The following BNC2 variants were observed in gnomAD, a reference collection of about 807,000 sequenced individuals.
BNC2 encodes zinc finger protein basonuclin-2.
Under a neutral mutation model 76.3 loss-of-function variants are expected in BNC2, and 20 were observed. That is an observed-to-expected ratio of 0.26 (90% CI 0.18 to 0.38). The LOEUF (loss-of-function observed/expected upper bound fraction) is 0.38, where lower values mean the gene tolerates loss of function less well. Ranked by LOEUF, BNC2 falls within the 10% of genes least tolerant of loss-of-function variation. BNC2 has a pLI of 1.00. For missense variants in BNC2, 1,382 were observed against 1,399.8 expected (o/e 0.99, Z 0.20); for synonymous variants, 582 against 514.8 (o/e 1.13, Z -1.77).
chr9:16,574,906 G>T (rs1819438951), intron 4 of BNC2, among the ~76,000 whole-genome samples: 1 of 152,110 alleles, frequency 6.6e-6, no homozygotes, highest in Non-Finnish European at 1.5e-5. Context: ...CTAACAAAAG[G>T]CAGAGAAGGG....
At chr9:16,526,902 A>G (rs965592842) in intron 5 of BNC2, among the ~76,000 whole-genome samples, 57 of 152,336 alleles carry the variant, frequency 3.7e-4, no homozygotes, top group African/African-American at 1.3e-3. Flanking sequence ...AGAGCATAAT[A>G]AGAAATAAAC....
Position 16,437,053 on chromosome 9 carries a change from T to A in BNC2, c.1141A>T (p.Thr381Ser). ...VSPTPYKNDQ[T>S]PNRNALTSIT... ...CTGGTCAGGGCATTTCTATTGGGTG[T>A]TTGATCATTCTTATAAGGTGTGGGA... The change falls in exon 6 of 7, where the codon ACA (threonine) becomes TCA (serine). Residue 381 changes from threonine to serine, a missense_variant. Coordinates refer to ENST00000380672, the MANE Select transcript of BNC2 (RefSeq NM_017637.6). 6.2e-7 allele frequency: 1 copy of A among 1,614,098 alleles called. No individual in the cohort carries two copies. The highest frequency in any genetic ancestry group is 8.5e-7 in the Non-Finnish European group (1 of 1,180,010).
At chr9:16,703,820 T>C (rs1823584243) in intron 3 of BNC2, among the ~76,000 whole-genome samples, 1 of 152,182 alleles carries the variant, frequency 6.6e-6, no homozygotes, top group South Asian at 2.1e-4. Flanking sequence ...TTCTGACTGA[T>C]AATGTATCAA....
At chr9:16,793,579 G>C (rs1817569205) in intron 1 of BNC2, among the ~76,000 whole-genome samples, 2 of 151,574 alleles carry the variant, frequency 1.3e-5, no homozygotes, top group South Asian at 2.1e-4. Flanking sequence ...TGGGATTACA[G>C]GTGGGTGCCA....
chr9:16,651,157 T>C (rs934672809), intron 3 of BNC2, among the ~76,000 whole-genome samples: 3 of 152,182 alleles, frequency 2.0e-5, no homozygotes, highest in South Asian at 4.1e-4. Flanking sequence ...ATGGTCATCT[T>C]AAGCTATACT....
chr9:16,729,868 T>A (rs1316114297), intron 2 of BNC2, among the ~76,000 whole-genome samples: 2 of 151,890 alleles, frequency 1.3e-5, no homozygotes, highest in African/African-American at 2.4e-5. Flanking sequence ...CTAATGGCTG[T>A]TATTTGTGGG....
chr9:16,547,414 C>T (rs1818519375), intron 5 of BNC2, among the ~76,000 whole-genome samples: 1 of 152,230 alleles, frequency 6.6e-6, no homozygotes, highest in South Asian at 2.1e-4. Flanking sequence ...CATGGTGAAA[C>T]ATCAAGCTAT....
intron 3 of BNC2, among the ~76,000 whole-genome samples, chr9:16,630,336 T>C (rs1334541590): frequency 2.0e-5 from 3 of 152,242 alleles, no homozygotes; most frequent in Non-Finnish European, 4.4e-5. Context: ...AGAGCTAATA[T>C]GGCTGAGCCA....
chr9:16,839,580 G>C (rs1003900946), intron 1 of BNC2, among the ~76,000 whole-genome samples: 2 of 152,286 alleles, frequency 1.3e-5, no homozygotes, highest in Non-Finnish European at 2.9e-5. Context: ...CCCCATGCAA[G>C]TCTAAAGCAC....
chr9:16,651,835 G>A (rs1018537717), intron 3 of BNC2, among the ~76,000 whole-genome samples: 13 of 152,162 alleles, frequency 8.5e-5, no homozygotes, highest in Non-Finnish European at 1.6e-4. Context: ...AATTTCAGTA[G>A]TAAATCAAGT....
At chr9:16,551,706 T>C (rs1224624072) in intron 5 of BNC2, among the ~76,000 whole-genome samples, 5 of 152,212 alleles carry the variant, frequency 3.3e-5, no homozygotes, top group African/African-American at 1.2e-4. Context: ...GTTCTCAACA[T>C]TGACCCCTCA....
At position 16,700,155 on chromosome 9, in the gene BNC2, C is replaced by A. The variant is rs576317748; in HGVS notation, c.330+27642G>T. ...AAGTAGAGTCTGTAGACACAGACTT[C>A]AGTTAGACATAAAACTGTGACTTAG... On this transcript the variant is annotated intron_variant, in intron 3 of 6. Coordinates refer to ENST00000380672, the MANE Select transcript of BNC2 (RefSeq NM_017637.6). Among the ~76,000 whole-genome samples, 44 of 152,248 alleles carry A rather than the reference C, an allele frequency of 2.9e-4. No individual in the cohort carries two copies. In the South Asian group the frequency reaches 8.7e-3, roughly 30 times the overall value.
intron 5 of BNC2, among the ~76,000 whole-genome samples, chr9:16,496,674 C>T (rs1290657003): frequency 6.6e-6 from 1 of 152,190 alleles, no homozygotes; most frequent in Non-Finnish European, 1.5e-5. Flanking sequence ...TAAATATTTA[C>T]AGTTTATATT....
intron 5 of BNC2, among the ~76,000 whole-genome samples, chr9:16,550,255 G>C (rs950653560): frequency 5.3e-5 from 8 of 151,004 alleles, no homozygotes; most frequent in African/African-American, 2.0e-4. Flanking sequence ...AACATTATGA[G>C]AGTTTTTTTT....
intron 1 of BNC2, among the ~76,000 whole-genome samples, chr9:16,764,732 T>C (rs537648527): frequency 4.9e-5 from 2 of 41,038 alleles, no homozygotes; most frequent in African/African-American, 1.5e-4. Flanking sequence ...ACTTTACTTA[T>C]TTGTCTGTTT....
intron 1 of BNC2, among the ~76,000 whole-genome samples, chr9:16,851,909 AG>A (rs1819136272): frequency 6.6e-6 from 1 of 152,190 alleles, no homozygotes; most frequent in Non-Finnish European, 1.5e-5. Context: ...CCTGAACTGA[AG>A]AGACTTGTAA....
At chr9:16,494,355 G>T (rs1486303757) in intron 5 of BNC2, among the ~76,000 whole-genome samples, 1 of 152,054 alleles carries the variant, frequency 6.6e-6, no homozygotes, top group African/African-American at 2.4e-5. Flanking sequence ...GTTTCACCAT[G>T]TTGGCCGGGG....
At chr9:16,688,697 C>CA (rs773746486) in intron 3 of BNC2, among the ~76,000 whole-genome samples, 51 of 149,886 alleles carry the variant, frequency 3.4e-4, no homozygotes, top group African/African-American at 1.1e-3. Flanking sequence ...AACTTAAAAA[C>CA]AAAAAAAAAT....
At chr9:16,504,248 A>C (rs1822579417) in intron 5 of BNC2, among the ~76,000 whole-genome samples, 1 of 143,216 alleles carries the variant, frequency 7.0e-6, no homozygotes, top group Admixed American at 6.8e-5. Flanking sequence ...TTTACTGAGA[A>C]TCAAACTTCT....
Sources: allele counts gnomAD v4.1 joint callset (sites outside exome capture counted in the v4.1 genomes callset), GRCh38; gene constraint gnomAD v4.1.1; transcripts MANE v1.5; gene names NCBI Gene and HGNC (gene_info 2026-07-23, HGNC 2026-07-21).